Variants in PAK6 observed in about 807,000 individuals in gnomAD.
The protein encoded by PAK6 is serine/threonine-protein kinase PAK 6.
A neutral mutation model predicts 60.8 loss-of-function variants in PAK6; 33 were observed. The observed-to-expected ratio is 0.54, with a 90% CI of 0.41 to 0.73. PAK6 has a LOEUF of 0.73. Among genes scored for constraint, PAK6 ranks in the 30% least tolerant of loss-of-function variants. PAK6 has a pLI of 0.00. For missense variants in PAK6, 845 were observed against 904.1 expected (o/e 0.93, Z 0.84); for synonymous variants, 404 against 378.5 (o/e 1.07, Z -0.78).
At chr15:40,272,795 G>T in intron 6 of PAK6, 71 bp from the exon 7 acceptor site, 2 of 1,589,394 alleles carry the variant, frequency 1.3e-6, no homozygotes. Context: ...CTGGACATCT[G>T]TGAGCAGGGG....
intron 2 of PAK6, among the ~76,000 whole-genome samples, chr15:40,249,237 G>C (rs186175961): frequency 6.6e-6 from 1 of 151,920 alleles, no homozygotes; most frequent in Non-Finnish European, 1.5e-5. Context: ...CAACAACCCC[G>C]CCTCCTAATA....
At chr15:40,240,916 TACTCTTCCTGCCCCAGCTGGG>T (rs1298140651) in intron 2 of PAK6, among the ~76,000 whole-genome samples, 1 of 152,206 alleles carries the variant, frequency 6.6e-6, no homozygotes, top group Non-Finnish European at 1.5e-5. Context: ...TGCTTGTTTC[TACTCTTCCTGCCCCAGCTGGG>T]CCAAGCCAGT....
chr15:40,258,656 G>A (rs960543030), intron 3 of PAK6: 1 of 152,310 alleles, frequency 6.6e-6, no homozygotes, highest in African/African-American at 2.4e-5. Flanking sequence ...CCGCCCTCAG[G>A]TTTACTGGGG....
At chr15:40,273,505 C>G (rs368879012) in intron 8 of PAK6, 33 bp downstream of exon 8, 2 of 1,613,622 alleles carry the variant, frequency 1.2e-6, no homozygotes. Context: ...CACAGCCACG[C>G]TCCCACTTCC....
chr15:40,261,026 C>CT (rs1222185238), intron 3 of PAK6, among the ~76,000 whole-genome samples: 2 of 151,574 alleles, frequency 1.3e-5, no homozygotes, highest in African/African-American at 4.8e-5. Flanking sequence ...GTAGCTGGGA[C>CT]TACAGGTGCC....
rs1428605091 is a variant in PAK6 at position 40,272,739 on chromosome 15, G to C, written c.1356+18G>C. The stretch of plus-strand genomic sequence containing the variant: ...TCAACGAGGTGGGAGGACAGGGTGG[G>C]ACACAGACGGGGGCGTTGGGGATGG... On this transcript the variant is annotated intron_variant, in intron 6 of 10. Coordinates refer to ENST00000560346, the Ensembl canonical transcript of PAK6. 28 of 1,580,146 alleles carry C rather than the reference G, an allele frequency of 1.8e-5. No homozygotes were observed. Among genetic ancestry groups the C allele is most frequent in the Non-Finnish European group, 2.4e-5 (28 of 1,164,444 alleles).
exon 4 of PAK6, chr15:40,264,816 G>A: frequency 6.2e-7 from 1 of 1,613,974 alleles, no homozygotes; most frequent in Non-Finnish European, 8.5e-7. Flanking sequence ...GAAACGCCCT[G>A]AGATCTCAGC....
chr15:40,244,442 G>T (rs375268520), intron 2 of PAK6, among the ~76,000 whole-genome samples: 2 of 149,812 alleles, frequency 1.3e-5, no homozygotes, highest in African/African-American at 4.9e-5. Flanking sequence ...TTGTTGCCCA[G>T]GCTGGAGTGC....
At chr15:40,263,859 C>T (rs1320205664) in intron 3 of PAK6, 2 of 454,720 alleles carry the variant, frequency 4.4e-6, no homozygotes, top group Middle Eastern at 3.4e-4. Context: ...TCAGGTGATC[C>T]ACCCGCCTCG....
chr15:40,267,532 G>A (rs191585597), intron 5 of PAK6, among the ~76,000 whole-genome samples: 206 of 152,300 alleles, frequency 1.4e-3, no homozygotes, highest in Middle Eastern at 3.4e-3. Flanking sequence ...GGTGGCGGGC[G>A]CCTGTAGTCC....
intron 3 of PAK6, among the ~76,000 whole-genome samples, chr15:40,261,018 A>G (rs2038968487): frequency 6.6e-6 from 1 of 151,620 alleles, no homozygotes; most frequent in South Asian, 2.1e-4. Context: ...CCTCCTGAGT[A>G]GCTGGGACTA....
exon 4 of PAK6, chr15:40,264,821 C>G: frequency 6.2e-7 from 1 of 1,614,012 alleles, no homozygotes; most frequent in South Asian, 1.1e-5. Flanking sequence ...GCCCTGAGAT[C>G]TCAGCGCCAC....
chr15:40,266,540 G>T (rs1289630591), intron 5 of PAK6, 45 bp downstream of exon 5: 18 of 1,528,004 alleles, frequency 1.2e-5, no homozygotes, highest in Non-Finnish European at 1.6e-5. Context: ...GGGAGTGGGT[G>T]TAGGGACACA....
intron 3 of PAK6, among the ~76,000 whole-genome samples, chr15:40,264,259 T>C (rs1487486585): frequency 6.6e-6 from 1 of 152,178 alleles, no homozygotes; most frequent in Non-Finnish European, 1.5e-5. Context: ...AACTTTAATA[T>C]ACTGTTGGAT....
chr15:40,271,272 G>A (rs747997956), intron 5 of PAK6, among the ~76,000 whole-genome samples: 1 of 152,212 alleles, frequency 6.6e-6, no homozygotes, highest in Non-Finnish European at 1.5e-5. Context: ...GCTTGGGCTC[G>A]GAAAAGCAAG....
exon 6 of PAK6, chr15:40,272,229 C>G: frequency 6.2e-7 from 1 of 1,606,410 alleles, no homozygotes. Context: ...TGCAGCCCAA[C>G]TCCTCTTTCC....
At chr15:40,272,832 T>C (rs768564764) in intron 6 of PAK6, 34 bp from the exon 7 acceptor site, 2 of 1,608,716 alleles carry the variant, frequency 1.2e-6, no homozygotes, top group Non-Finnish European at 1.7e-6. Context: ...GTCTGGGCAC[T>C]GTGCCTGGCA....
At chr15:40,266,659 T>G in intron 5 of PAK6, 164 bp downstream of exon 5, 1 of 561,628 alleles carries the variant, frequency 1.8e-6, no homozygotes. Flanking sequence ...GGAGGGTGGC[T>G]CGCCTCCTCC....
chr15:40,242,241 G>A (rs1052751631), intron 2 of PAK6, among the ~76,000 whole-genome samples: 1 of 152,202 alleles, frequency 6.6e-6, no homozygotes, highest in African/African-American at 2.4e-5. Flanking sequence ...CCTCTGCGTA[G>A]GTGACTGGGC....
Sources: gnomAD v4.1 joint callset for allele counts (sites outside exome capture counted in the v4.1 genomes callset) on GRCh38, gnomAD v4.1.1 for gene constraint, MANE v1.5 for transcripts, NCBI Gene and HGNC (gene_info 2026-07-23, HGNC 2026-07-21) for gene names.